The following ARMC8 variants were observed in gnomAD, a reference collection of about 807,000 sequenced individuals.
ARMC8 encodes armadillo repeat-containing protein 8.
In ARMC8, 20 loss-of-function variants were observed where a neutral mutation model predicts 99.3. The ratio of observed to expected loss-of-function variants is 0.20; its 90% CI spans 0.14 to 0.29. The LOEUF (loss-of-function observed/expected upper bound fraction) is 0.29, where lower values mean the gene tolerates loss of function less well. Ranked by LOEUF, ARMC8 falls within the 10% of genes least tolerant of loss-of-function variation. The pLI is 1.00. For missense variants in ARMC8, 569 were observed against 809.5 expected (o/e 0.70, Z 3.60); for synonymous variants, 263 against 278.3 (o/e 0.95, Z 0.55).
At chr3:138,230,298 C>T (rs1374703368) in intron 6 of ARMC8, among the ~76,000 whole-genome samples, 3 of 152,124 alleles carry the variant, frequency 2.0e-5, no homozygotes, top group Admixed American at 6.5e-5. Context: ...AACAAAATGA[C>T]GTCTTATAGC....
At position 138,229,010 on chromosome 3, in the gene ARMC8, A is replaced by G; in HGVS notation, c.528A>G (p.Lys176=). Residue 176 remains lysine (K), a splice_region_variant and synonymous_variant, in exon 6 of 22, where the codon AAA becomes AAG. Coordinates refer to ENST00000469044, the MANE Select transcript of ARMC8 (RefSeq NM_001363941.2). ...GTCAGATCTTCTCACACTGCTGTAA[A>G]GTAAGAACCAGAATAAATGTTATCT... ...YICQIFSHCC[K]GPDHQTILFN... is the part of the protein sequence containing the mutation. The G allele has an allele frequency of 6.3e-7, 1 of 1,599,056 alleles. No homozygotes were observed. The highest frequency in any genetic ancestry group is 8.5e-7 in the Non-Finnish European group (1 of 1,169,658).
At chr3:138,264,283 A>G (rs921302971) in intron 14 of ARMC8, 71 bp downstream of exon 14, 6 of 1,198,038 alleles carry the variant, frequency 5.0e-6, no homozygotes, top group Admixed American at 1.8e-5. Flanking sequence ...AGCTAACACT[A>G]CTCCCTGGTC....
intron 12 of ARMC8, chr3:138,261,713 G>A (rs1451539478): frequency 6.6e-6 from 1 of 152,192 alleles, no homozygotes; most frequent in Non-Finnish European, 1.5e-5. Context: ...AAAATGAGAG[G>A]TAGGACAGAG....
chr3:138,260,239 C>T (rs189756631), intron 12 of ARMC8, among the ~76,000 whole-genome samples: 58 of 152,304 alleles, frequency 3.8e-4, no homozygotes, highest in African/African-American at 1.3e-3. Flanking sequence ...TCTCCTCACC[C>T]GCCTTCTTCC....
chr3:138,202,138 A>G (rs907082166), intron 1 of ARMC8, among the ~76,000 whole-genome samples: 10 of 152,288 alleles, frequency 6.6e-5, no homozygotes, highest in African/African-American at 1.9e-4. Flanking sequence ...TTCTCTCACA[A>G]TGCTGAATTA....
In ARMC8 at chr3:138,237,659, A is replaced by G. The variant is rs944750282; in HGVS notation, c.776+87A>G. On this transcript the variant is annotated intron_variant, in intron 9 of 21. Coordinates refer to ENST00000469044, the MANE Select transcript of ARMC8 (RefSeq NM_001363941.2). ...GGACAACCAAATTTGCTTGCTTCCAATCCCCATTTTATTTTGAGATTTTGA... is the reference window on the plus strand; with the variant it reads ...GGACAACCAAATTTGCTTGCTTCCAGTCCCCATTTTATTTTGAGATTTTGA... The G allele has an allele frequency of 8.6e-6, 9 of 1,045,304 alleles. No individual in the cohort carries two copies. The African/African-American group carries it at 1.1e-4, about 13-fold the overall frequency. 64.8% of individuals were successfully genotyped at this position (1,045,304 alleles called of 1,614,324 possible). A position where few individuals can be genotyped will look rare whatever the true frequency, so the allele number is the denominator to read the frequency against.
intron 1 of ARMC8, 94 bp from the exon 2 acceptor site, chr3:138,209,723 G>A: frequency 9.3e-6 from 10 of 1,076,110 alleles, no homozygotes; most frequent in Non-Finnish European, 1.3e-5. Context: ...TCTACCTTAA[G>A]TTAAATTATC....
chr3:138,246,645 A>G (rs2046893703), intron 12 of ARMC8: 2 of 985,682 alleles, frequency 2.0e-6, no homozygotes, highest in African/African-American at 1.7e-5. Flanking sequence ...AGATAGACAG[A>G]TGGACCACAA....
intron 19 of ARMC8, among the ~76,000 whole-genome samples, chr3:138,286,710 T>C (rs978258747): frequency 1.3e-5 from 2 of 152,066 alleles, no homozygotes; most frequent in Non-Finnish European, 2.9e-5. Context: ...CACTGGGTGG[T>C]TCTTACGTAC....
At chr3:138,295,735 T>C in intron 21 of ARMC8, 124 bp from the exon 22 acceptor site, 1 of 1,031,420 alleles carries the variant, frequency 9.7e-7, no homozygotes. Flanking sequence ...CCACCTGGGC[T>C]CACCCCAATT....
At chr3:138,219,737 T>C (rs113735906) in intron 2 of ARMC8, among the ~76,000 whole-genome samples, 2,339 of 152,344 alleles carry the variant, frequency 0.015, 33 homozygotes, top group Middle Eastern at 0.048. Flanking sequence ...GAGAATCTTT[T>C]TCTTTAGACA....
intron 2 of ARMC8, among the ~76,000 whole-genome samples, chr3:138,210,151 A>C (rs2044612314): frequency 6.6e-6 from 1 of 152,314 alleles, no homozygotes; most frequent in Non-Finnish European, 1.5e-5. Flanking sequence ...TTCTTTGGAG[A>C]ATGCTTTTGC....
chr3:138,228,169 G>A (rs1349247752), intron 5 of ARMC8, among the ~76,000 whole-genome samples: 1 of 152,134 alleles, frequency 6.6e-6, no homozygotes, highest in Non-Finnish European at 1.5e-5. Context: ...TGGTAGAGAC[G>A]GGGTTTCGCC....
chr3:138,287,705 A>G (rs1461959536), intron 19 of ARMC8: 6 of 456,602 alleles, frequency 1.3e-5, no homozygotes, highest in Admixed American at 4.7e-5. Flanking sequence ...ATAGAATTCT[A>G]CTGGAGGAAG....
chr3:138,263,891 C>T, intron 13 of ARMC8, 70 bp downstream of exon 13: 1 of 1,337,970 alleles, frequency 7.5e-7, no homozygotes, highest in South Asian at 1.2e-5. Context: ...TCTGGTCCTT[C>T]ACTGAGTAAA....
At chr3:138,198,756 C>G (rs1265812903) in intron 1 of ARMC8, among the ~76,000 whole-genome samples, 1 of 151,966 alleles carries the variant, frequency 6.6e-6, no homozygotes, top group African/African-American at 2.4e-5. Flanking sequence ...TTGTGATTCC[C>G]CTGCTTCGGC....
At chr3:138,259,245 G>T (rs2047546850) in intron 12 of ARMC8, among the ~76,000 whole-genome samples, 1 of 152,152 alleles carries the variant, frequency 6.6e-6, no homozygotes, top group African/African-American at 2.4e-5. Flanking sequence ...CCTTCATATG[G>T]GTCAGAGGGC....
chr3:138,269,511 A>G (rs145726750), intron 15 of ARMC8, among the ~76,000 whole-genome samples: 110 of 152,314 alleles, frequency 7.2e-4, no homozygotes, highest in African/African-American at 2.5e-3. Flanking sequence ...AAAATATCCT[A>G]AAAGATAAAT....
chr3:138,281,217 GGT>G lies in ARMC8; in HGVS notation c.1726-3197_1726-3196del, dbSNP rs149949088. Among the ~76,000 whole-genome samples the G allele has an allele frequency of 2.1e-4, 31 of 149,790 alleles. No homozygotes were observed. In the South Asian group the frequency reaches 2.6e-3, roughly 12 times the overall value. ...CTAATATGCGTACATTAATGGTGTG[GGT>G]GTGTGTGTGTGTGTGTAGTTTTTAT... On this transcript the variant is annotated intron_variant, in intron 18 of 21. Transcript: ENST00000469044.
Sources: allele counts gnomAD v4.1 joint callset (sites outside exome capture counted in the v4.1 genomes callset), GRCh38; gene constraint gnomAD v4.1.1; transcripts MANE v1.5; gene names NCBI Gene and HGNC (gene_info 2026-07-23, HGNC 2026-07-21).